IFT74: variants seen among roughly 807,000 people sequenced by gnomAD.
IFT74 encodes intraflagellar transport protein 74 homolog.
A neutral mutation model predicts 96.7 loss-of-function variants in IFT74; 92 were observed. The observed-to-expected ratio is 0.95, with a 90% CI of 0.80 to 1.13. The LOEUF is 1.13. Among genes scored for constraint, IFT74 ranks in the 50% most tolerant of loss-of-function variants. IFT74 has a pLI of 0.00. For missense variants in IFT74, 811 were observed against 698.2 expected (o/e 1.16, Z -1.82); for synonymous variants, 223 against 213.2 (o/e 1.05, Z -0.40).
chr9:26,948,043 C>G (rs961054246), intron 1 of IFT74, among the ~76,000 whole-genome samples: 7 of 152,204 alleles, frequency 4.6e-5, no homozygotes, highest in Non-Finnish European at 8.8e-5. Context: ...TTTCCACAAA[C>G]CTTTCTAAAT....
At chr9:27,048,871 C>A (rs570332844) in intron 16 of IFT74, among the ~76,000 whole-genome samples, 5 of 152,080 alleles carry the variant, frequency 3.3e-5, no homozygotes, top group African/African-American at 1.2e-4. Flanking sequence ...GAGGTACATA[C>A]AGATATGGTT....
At chr9:27,010,476 CT>C (rs1376199224) in intron 9 of IFT74, among the ~76,000 whole-genome samples, 1 of 146,182 alleles carries the variant, frequency 6.8e-6, no homozygotes, top group African/African-American at 2.5e-5. Context: ...CTACTACCCC[CT>C]TTTTTTTGTT....
chr9:27,048,406 T>C (rs1587413638), intron 16 of IFT74, 132 bp downstream of exon 16: 2 of 586,394 alleles, frequency 3.4e-6, no homozygotes, highest in Middle Eastern at 4.7e-4. Flanking sequence ...TATGTGTGGC[T>C]TTTTTCATCA....
intron 2 of IFT74, among the ~76,000 whole-genome samples, chr9:26,966,933 C>G (rs1429513166): frequency 2.0e-5 from 3 of 152,050 alleles, no homozygotes; most frequent in Non-Finnish European, 4.4e-5. Context: ...GGCATTTCCT[C>G]AGTGTATGTT....
At chr9:26,955,177 GC>G (rs1368735424), upstream of IFT74, among the ~76,000 whole-genome samples, 1 of 152,124 alleles carries the variant, frequency 6.6e-6, no homozygotes, top group Non-Finnish European at 1.5e-5. Context: ...AGGACATTAA[GC>G]AGCTCACAGA....
intron 13 of IFT74, among the ~76,000 whole-genome samples, chr9:27,030,058 A>G (rs1022849064): frequency 6.6e-6 from 1 of 152,130 alleles, no homozygotes; most frequent in Non-Finnish European, 1.5e-5. Flanking sequence ...ATTTATGGTT[A>G]AAGGAGGAGG....
At chr9:26,948,445 A>ATTTTTTTT (rs1554662864) in intron 1 of IFT74, among the ~76,000 whole-genome samples, 6 of 47,312 alleles carry the variant, frequency 1.3e-4, no homozygotes, top group African/African-American at 1.8e-4. Flanking sequence ...ATGGCTTTCC[A>ATTTTTTTT]TTATTTTTTT....
At chr9:26,978,011 T>A in intron 2 of IFT74, 117 bp from the exon 3 acceptor site, 1 of 789,778 alleles carries the variant, frequency 1.3e-6, no homozygotes. Context: ...AATAAGGAAA[T>A]TTTTACAAAT....
intron 8 of IFT74, chr9:26,999,539 C>T (rs1828360202): frequency 4.6e-6 from 5 of 1,088,278 alleles, no homozygotes; most frequent in African/African-American, 1.6e-5. Flanking sequence ...TTCTTATTGC[C>T]CTTTTATATT....
intron 3 of IFT74, among the ~76,000 whole-genome samples, chr9:26,980,174 A>G (rs955138888): frequency 5.3e-5 from 8 of 152,192 alleles, no homozygotes; most frequent in African/African-American, 1.9e-4. Flanking sequence ...CCCCAGTAGC[A>G]CCAGCCAAAT....
chr9:27,052,507 CAAAAAAAAAAAA>C (rs1187027414), intron 16 of IFT74, among the ~76,000 whole-genome samples: 1 of 57,204 alleles, frequency 1.7e-5, no homozygotes, highest in Non-Finnish European at 3.5e-5. Flanking sequence ...AAATCTATCT[CAAAAAAAAAAAA>C]AAAAAAAAAA....
rs201651251 is a variant in IFT74 at position 27,048,239 on chromosome 9, A to G, written c.1298A>G (p.Gln433Arg). The change falls in exon 16 of 20, where the codon CAG becomes CGG. Residue 433 changes from glutamine (Q) to arginine (R), a missense_variant. Transcript: ENST00000380062. Reference sequence around the variant, plus strand: ...CTCAATTTTAAATCTACTGAAGTGCAGAAATCACAAAGTACAGCTCAGAAT... The same window carrying G: ...CTCAATTTTAAATCTACTGAAGTGCGGAAATCACAAAGTACAGCTCAGAAT... The part of the protein sequence containing the change: ...DDLNFKSTEV[Q>R]KSQSTAQNLT... 104 of 1,607,996 alleles carry G rather than the reference A, an allele frequency of 6.5e-5. 1 individual carries two copies. The Admixed American group carries it at 9.4e-4, about 14-fold the overall frequency.
At chr9:27,014,890 A>G (rs896877151) in intron 10 of IFT74, among the ~76,000 whole-genome samples, 1 of 152,234 alleles carries the variant, frequency 6.6e-6, no homozygotes, top group African/African-American at 2.4e-5. Flanking sequence ...TACAGGCGTG[A>G]GCTATCACGC....
chr9:27,035,100 AAC>A (rs1184323103), intron 13 of IFT74, among the ~76,000 whole-genome samples: 1 of 152,238 alleles, frequency 6.6e-6, no homozygotes, highest in African/African-American at 2.4e-5. Context: ...ATAAACACAA[AAC>A]ACATTCATAA....
rs73438216 is a variant in IFT74 at position 27,036,475 on chromosome 9, A to G, written c.1054+7371A>G. On this transcript the variant is annotated intron_variant, in intron 13 of 19. Transcript: ENST00000380062. ...ATCCTACCAACTATGGATGGAAAATACTTGAAAAAAATACAGGAAGTTTCA... is the reference window on the plus strand; with the variant it reads ...ATCCTACCAACTATGGATGGAAAATGCTTGAAAAAAATACAGGAAGTTTCA... 1.9e-3 allele frequency: 3,027 copies of G among 1,613,760 alleles called. 55 individuals carry two copies. The African/African-American group carries it at 0.037, about 20-fold the overall frequency.
chr9:27,021,814 A>G (rs1829618545), intron 12 of IFT74, among the ~76,000 whole-genome samples: 1 of 152,172 alleles, frequency 6.6e-6, no homozygotes, highest in African/African-American at 2.4e-5. Flanking sequence ...TTTGTGGTGC[A>G]GAAGTTTTTT....
chr9:26,990,116 T>C lies in IFT74; in HGVS notation c.526-18T>C, dbSNP rs376496742. ...TTAATATTTATTTCTTACTAACTTA[T>C]GTGTTAACTTTATTCAGCTTAAAGC... On this transcript the variant is annotated intron_variant, in intron 7 of 19. Transcript: ENST00000380062. 4.8e-6 allele frequency: 7 copies of C among 1,458,992 alleles called. 1 individual carries two copies. In the Middle Eastern group the frequency reaches 5.3e-4, roughly 110 times the overall value. The allele number at this position is 1,458,992 out of a possible 1,614,324, so 90.4% of individuals were successfully genotyped here.
chr9:26,959,025 C>G (rs1194357860), intron 1 of IFT74, among the ~76,000 whole-genome samples: 1 of 152,146 alleles, frequency 6.6e-6, no homozygotes, highest in Non-Finnish European at 1.5e-5. Context: ...TTGAATCAAA[C>G]GGTAGCAATC....
intron 8 of IFT74, chr9:26,995,936 A>G (rs1828132879): frequency 2.3e-6 from 2 of 887,966 alleles, no homozygotes; most frequent in Non-Finnish European, 3.3e-6. Flanking sequence ...ATTCTCCTCA[A>G]TATTGGTATT....
Sources: allele counts gnomAD v4.1 joint callset (sites outside exome capture counted in the v4.1 genomes callset), GRCh38; gene constraint gnomAD v4.1.1; transcripts MANE v1.5; gene names NCBI Gene and HGNC (gene_info 2026-07-23, HGNC 2026-07-21).